Variants in NEMP2 observed in about 807,000 individuals in gnomAD.
The protein encoded by NEMP2 is UPF0571 transmembrane protein.
NEMP2 carries 53 observed loss-of-function variants against 54.2 expected under a neutral mutation model. The observed-to-expected ratio is 0.98, with a 90% CI of 0.78 to 1.23. The LOEUF is 1.23. Among genes scored for constraint, NEMP2 ranks in the 50% most tolerant of loss-of-function variants. The pLI is 0.00. For synonymous variants in NEMP2, 197 were observed against 190.3 expected (o/e 1.04, Z -0.29); for missense variants, 455 against 511.3 (o/e 0.89, Z 1.06).
the NEMP2 span, among the ~76,000 whole-genome samples, chr2:190,552,677 A>C: frequency 6.6e-6 from 1 of 151,850 alleles, no homozygotes; most frequent in Non-Finnish European, 1.5e-5. Context: ...CTATGATCCC[A>C]CCACTGCACT....
Position 190,532,345 on chromosome 2 carries a change from C to CA in NEMP2, c.97+2213dup, listed in dbSNP as rs371909595. Among the ~76,000 whole-genome samples the CA allele has an allele frequency of 8.5e-5, 13 of 152,260 alleles. 2 individuals are homozygous for CA. Among genetic ancestry groups the CA allele is most frequent in the African/African-American group, 2.9e-4 (12 of 41,558 alleles). On this transcript the variant is annotated intron_variant, in intron 1 of 8. Transcript: ENST00000409150. Reference sequence around the variant, plus strand: ...ACTGGAATTAGTATATACTCATGCACACTCAGGTCTTTAACTTCAAGTTCA... The same window carrying CA: ...ACTGGAATTAGTATATACTCATGCACAACTCAGGTCTTTAACTTCAAGTTCA...
At chr2:190,584,819 T>G in the NEMP2 span, among the ~76,000 whole-genome samples, 2 of 151,402 alleles carry the variant, frequency 1.3e-5, no homozygotes, top group African/African-American at 2.4e-5. This position sits in a 1 kb window ranked among gnomAD's most constrained non-coding sequence, Gnocchi z 4.2. Context: ...AAGGTTACAG[T>G]GAGCTATGAT....
the NEMP2 span, among the ~76,000 whole-genome samples, chr2:190,543,715 G>GA: frequency 6.6e-6 from 1 of 152,050 alleles, no homozygotes; most frequent in African/African-American, 2.4e-5. This position sits in a 1 kb window ranked among gnomAD's most constrained non-coding sequence, Gnocchi z 4.7. Context: ...GGTTTCTGTA[G>GA]AAAAAAAGTG....
chr2:190,630,050 G>C, the NEMP2 span, among the ~76,000 whole-genome samples: 73 of 152,324 alleles, frequency 4.8e-4, no homozygotes, highest in African/African-American at 1.8e-3. The surrounding 1 kb of genome is among the most constrained non-coding windows in gnomAD (Gnocchi z 5.5). Context: ...GATTTTTTCG[G>C]ATGCTCAAGG....
Position 190,504,341 on chromosome 2 carries a change from A to C in NEMP2, c.*4848T>G, listed in dbSNP as rs1265704559. The stretch of plus-strand genomic sequence containing the variant: ...TGTCTCATTTCCCCAACCAGGGTCT[A>C]GTTCTATTATTTTATTGCCATTTAA... On this transcript the variant is annotated 3_prime_UTR_variant, in exon 9 of 9. Transcript: ENST00000409150. The surrounding 1 kb of genome is among the most constrained non-coding windows in gnomAD (Gnocchi z 5.6). 6.6e-6 allele frequency: 1 copy of C among 152,116 alleles called. No individual in the cohort carries two copies. Among genetic ancestry groups the C allele is most frequent in the African/African-American group, 2.4e-5 (1 of 41,402 alleles). 9.4% of individuals were successfully genotyped at this position (152,116 alleles called of 1,614,324 possible).
At chr2:190,518,035 A>C (rs1690623305) in intron 4 of NEMP2, among the ~76,000 whole-genome samples, 1 of 152,194 alleles carries the variant, frequency 6.6e-6, no homozygotes, top group African/African-American at 2.4e-5. Flanking sequence ...TGTATGCATC[A>C]TCTGGTTTCT....
At chr2:190,440,377 CT>C in the NEMP2 span, among the ~76,000 whole-genome samples, 1 of 152,138 alleles carries the variant, frequency 6.6e-6, no homozygotes, top group Non-Finnish European at 1.5e-5. Context: ...TGGAAGGTGA[CT>C]TTCTCAGGCA....
At chr2:190,468,619 A>ATTT in the NEMP2 span, among the ~76,000 whole-genome samples, 1 of 128,030 alleles carries the variant, frequency 7.8e-6, no homozygotes, top group Non-Finnish European at 1.7e-5. Flanking sequence ...AGCCTGGCTA[A>ATTT]TTTTTTTTTT....
At chr2:190,534,761 C>T (rs1294682929), upstream of NEMP2, 7 of 860,254 alleles carry the variant, frequency 8.1e-6, no homozygotes, top group South Asian at 2.1e-4. Flanking sequence ...GGCGGTGAGG[C>T]CCGAACGCGG....
the NEMP2 span, chr2:190,567,999 A>T: frequency 6.6e-6 from 1 of 152,216 alleles, no homozygotes; most frequent in Non-Finnish European, 1.5e-5. The surrounding 1 kb of genome is among the most constrained non-coding windows in gnomAD (Gnocchi z 4.0). Context: ...CTATCAATGA[A>T]GTGTGAGAGC....
At chr2:190,435,953 C>T in the NEMP2 span, 1 of 1,499,472 alleles carries the variant, frequency 6.7e-7, no homozygotes, top group Non-Finnish European at 8.9e-7. Flanking sequence ...ATTACTAAGC[C>T]ATCTTTTAAA....
In NEMP2 at chr2:190,525,199, T is replaced by C; in HGVS notation, c.213+64A>G. On this transcript the variant is annotated intron_variant, in intron 2 of 8. Transcript: ENST00000409150. This position sits in a 1 kb window ranked among gnomAD's most constrained non-coding sequence, Gnocchi z 5.0. ...TACTTTCTATTCCTGAAGTGGTACATTTCCTGTCCCCAGGACATGGTAATT... is the reference window on the plus strand; with the variant it reads ...TACTTTCTATTCCTGAAGTGGTACACTTCCTGTCCCCAGGACATGGTAATT... The C allele has an allele frequency of 1.1e-6, 1 of 898,404 alleles. No homozygotes were observed. The highest frequency in any genetic ancestry group is 1.7e-6 in the Non-Finnish European group (1 of 574,360). 55.7% of individuals were successfully genotyped at this position (898,404 alleles called of 1,614,324 possible).
At chr2:190,500,163 C>T (rs771974215), downstream of NEMP2, 11 of 1,614,028 alleles carry the variant, frequency 6.8e-6, no homozygotes, top group Middle Eastern at 1.6e-4. The surrounding 1 kb of genome is among the most constrained non-coding windows in gnomAD (Gnocchi z 5.3). Flanking sequence ...AGTGTGGACC[C>T]GTGCACAGAG....
intron 2 of NEMP2, among the ~76,000 whole-genome samples, chr2:190,524,204 T>C (rs576632400): frequency 1.3e-5 from 2 of 151,592 alleles, no homozygotes; most frequent in East Asian, 3.9e-4. Context: ...GCAACTGGAG[T>C]GAGTCCCAGT....
chr2:190,578,104 G>T, the NEMP2 span, among the ~76,000 whole-genome samples: 2 of 152,094 alleles, frequency 1.3e-5, no homozygotes, highest in Non-Finnish European at 2.9e-5. This position sits in a 1 kb window ranked among gnomAD's most constrained non-coding sequence, Gnocchi z 4.4. Context: ...CTTCTGTGGG[G>T]TCTCCTGGGC....
At chr2:190,601,727 G>A in the NEMP2 span, among the ~76,000 whole-genome samples, 26 of 152,228 alleles carry the variant, frequency 1.7e-4, no homozygotes, top group East Asian at 5.0e-3. This position sits in a 1 kb window ranked among gnomAD's most constrained non-coding sequence, Gnocchi z 5.8. Flanking sequence ...CAGGTACCAG[G>A]GCAATCCCAG....
chr2:190,609,078 A>G, the NEMP2 span: 1 of 152,214 alleles, frequency 6.6e-6, no homozygotes, highest in African/African-American at 2.4e-5. This position sits in a 1 kb window ranked among gnomAD's most constrained non-coding sequence, Gnocchi z 4.7. Flanking sequence ...TCGTGGCCCA[A>G]TAATGAGATG....
the NEMP2 span, chr2:190,497,877 T>TAC: frequency 1.2e-6 from 1 of 819,874 alleles, no homozygotes; most frequent in Non-Finnish European, 1.9e-6. The surrounding 1 kb of genome is among the most constrained non-coding windows in gnomAD (Gnocchi z 5.2). Context: ...GAGCACTGAG[T>TAC]TAAAGAGGGT....
In NEMP2 at chr2:190,525,476, G is replaced by A. The variant is rs947107576; in HGVS notation, c.98-98C>T. On this transcript the variant is annotated intron_variant, in intron 1 of 8. Coordinates refer to ENST00000409150, the MANE Select transcript of NEMP2 (RefSeq NM_001142645.2). The surrounding 1 kb of genome is among the most constrained non-coding windows in gnomAD (Gnocchi z 5.0). The stretch of plus-strand genomic sequence containing the variant: ...GGGAGGTAACAGTAGCAGTTTTAAC[G>A]TTCTATGGCCAATAAATTCTCCTAT... The A allele has an allele frequency of 2.4e-5, 15 of 620,088 alleles. No homozygotes were observed. Among genetic ancestry groups the A allele is most frequent in the South Asian group, 4.2e-5 (2 of 47,580 alleles). 38.4% of individuals were successfully genotyped at this position (620,088 alleles called of 1,614,324 possible).
Sources: gnomAD v4.1 joint callset for allele counts (sites outside exome capture counted in the v4.1 genomes callset) on GRCh38, gnomAD v4.1.1 for gene constraint, Gnocchi (gnomAD v3.1) non-coding constraint, MANE v1.5 for transcripts, NCBI Gene and HGNC (gene_info 2026-07-23, HGNC 2026-07-21) for gene names.